The following NBEAL1 variants were observed in gnomAD, a reference collection of about 807,000 sequenced individuals.
NBEAL1 encodes neurobeachin-like protein 1.
A neutral mutation model predicts 351.3 loss-of-function variants in NBEAL1; 273 were observed. That is an observed-to-expected ratio of 0.78 (90% CI 0.70 to 0.86). The LOEUF (loss-of-function observed/expected upper bound fraction) is 0.86, where lower values mean the gene tolerates loss of function less well. NBEAL1 is among the 40% of genes least tolerant of loss of function. NBEAL1 has a pLI of 0.00. For synonymous variants in NBEAL1, 1,050 were observed against 1,086.4 expected (o/e 0.97, Z 0.66); for missense variants, 2,961 against 3,201.3 (o/e 0.92, Z 1.81).
At chr2:203,095,646 T>A (rs2062167723) in intron 10 of NBEAL1, among the ~76,000 whole-genome samples, 2 of 152,188 alleles carry the variant, frequency 1.3e-5, no homozygotes, top group Admixed American at 1.3e-4. Context: ...TCTGGAAAGA[T>A]TTTACTCATT....
chr2:203,196,976 T>G (rs1054719925), intron 47 of NBEAL1, among the ~76,000 whole-genome samples: 1 of 152,226 alleles, frequency 6.6e-6, no homozygotes, highest in African/African-American at 2.4e-5. Flanking sequence ...ATGATCCGTA[T>G]TTTCTACTTT....
rs2062948525 is a variant in NBEAL1 at position 203,126,828 on chromosome 2, C to A, written c.3150C>A (p.His1050Gln). 1 of 1,551,120 alleles carries A rather than the reference C, an allele frequency of 6.4e-7. No individual in the cohort carries two copies. The highest frequency in any genetic ancestry group is 8.7e-7 in the Non-Finnish European group (1 of 1,146,652). The change falls in exon 23 of 56, where the codon CAC becomes CAA. Residue 1050 changes from histidine (H) to glutamine (Q), a missense_variant. Transcript: ENST00000683969. ...CCATTGAACTTTTTATTTTAGGTCACATACAGTATCTTTCAACCATCATTA... is the reference window on the plus strand; with the variant it reads ...CCATTGAACTTTTTATTTTAGGTCAAATACAGTATCTTTCAACCATCATTA... ...NRGDFPFRIG[H>Q]IQYLSTIIKD...
rs2065986689 is a variant in NBEAL1 at position 203,224,396 on chromosome 2, G to C, written c.*7042G>C. Among the ~76,000 whole-genome samples the C allele has an allele frequency of 6.6e-6, 1 of 152,062 alleles. No homozygotes were observed. The highest frequency in any genetic ancestry group is 1.5e-5 in the Non-Finnish European group (1 of 67,950). On this transcript the variant is annotated 3_prime_UTR_variant, in exon 56 of 56. Coordinates refer to ENST00000683969, the MANE Select transcript of NBEAL1 (RefSeq NM_001378026.1). ...CTTGGAGCAAAAAATATAGCAAAAA[G>C]TAATCATATCTGGCTAGATAGCCAT...
chr2:203,065,480 C>T (rs569589367), intron 6 of NBEAL1, among the ~76,000 whole-genome samples: 26 of 152,230 alleles, frequency 1.7e-4, no homozygotes, highest in Non-Finnish European at 2.9e-4. Flanking sequence ...GGCTGGGGCG[C>T]GGTGGCTCAC....
Position 203,108,110 on chromosome 2 carries a change from G to A in NBEAL1, c.1871G>A (p.Ser624Asn), listed in dbSNP as rs572556241. 2 of 1,552,152 alleles carry A rather than the reference G, an allele frequency of 1.3e-6. No homozygotes were observed. Among genetic ancestry groups the A allele is most frequent in the African/African-American group, 2.7e-5 (2 of 73,214 alleles). ...QKWPGSAFSF[S>N]AWFCLDQDQL... ...TGGCCAGGGTCTGCCTTTTCTTTCA[G>A]TGCTTGGTTTTGCTTAGACCAGGAT... The change falls in exon 14 of 56, where the codon AGT becomes AAT. Residue 624 changes from serine to asparagine, a missense_variant. Coordinates refer to ENST00000683969, the MANE Select transcript of NBEAL1 (RefSeq NM_001378026.1).
In NBEAL1 at chr2:203,076,889, G is replaced by A. The variant is rs185916139; in HGVS notation, c.599-863G>A. Among the ~76,000 whole-genome samples, 4 of 151,972 alleles carry A rather than the reference G, an allele frequency of 2.6e-5. No homozygotes were observed. In the East Asian group the frequency reaches 7.8e-4, roughly 30 times the overall value. On this transcript the variant is annotated intron_variant, in intron 7 of 55. Coordinates refer to ENST00000683969, the MANE Select transcript of NBEAL1 (RefSeq NM_001378026.1). ...TTACAGGCATGAGCCACTGCGCCCA[G>A]CCTAGATGTCTCTTTACTAAGACTA...
intron 18 of NBEAL1, among the ~76,000 whole-genome samples, chr2:203,121,811 A>G (rs573789906): frequency 1.9e-3 from 285 of 151,970 alleles, no homozygotes; most frequent in African/African-American, 6.7e-3. Context: ...TTTGAGACAG[A>G]GTCTCACTCT....
intron 7 of NBEAL1, among the ~76,000 whole-genome samples, chr2:203,069,302 G>A (rs745732787): frequency 2.0e-5 from 3 of 152,174 alleles, no homozygotes; most frequent in Non-Finnish European, 2.9e-5. Flanking sequence ...GATGACTGCA[G>A]TGCTGACTCT....
intron 41 of NBEAL1, among the ~76,000 whole-genome samples, chr2:203,174,435 A>G (rs1025993150): frequency 6.6e-6 from 1 of 152,110 alleles, no homozygotes; most frequent in Non-Finnish European, 1.5e-5. Context: ...CTTTTATGTG[A>G]AAAATATTTG....
At chr2:203,188,915 G>C (rs1484831142) in intron 45 of NBEAL1, among the ~76,000 whole-genome samples, 1 of 152,144 alleles carries the variant, frequency 6.6e-6, no homozygotes, top group African/African-American at 2.4e-5. Flanking sequence ...ACAAATAACA[G>C]ATTCTTCAAA....
At chr2:203,141,978 T>C (rs955771519) in intron 31 of NBEAL1, among the ~76,000 whole-genome samples, 12 of 152,160 alleles carry the variant, frequency 7.9e-5, no homozygotes, top group Non-Finnish European at 1.5e-5. Context: ...GTTGATTCAT[T>C]TAGTTGTATA....
chr2:203,128,359 A>G lies in NBEAL1; in HGVS notation c.3405+422A>G, dbSNP rs372554475. ...CTAACCTCAAATGGTCTACCCGCCT[A>G]GGGCTCCCAAAGTGCTAGGATTACA... is the stretch of plus-strand genomic sequence containing the variant. On this transcript the variant is annotated intron_variant, in intron 24 of 55. Transcript: ENST00000683969. Among the ~76,000 whole-genome samples the G allele has an allele frequency of 5.5e-5, 8 of 145,938 alleles. No individual in the cohort carries two copies. In the East Asian group the frequency reaches 1.2e-3, roughly 22 times the overall value.
chr2:203,206,918 C>G (rs1381191294), intron 51 of NBEAL1, among the ~76,000 whole-genome samples: 2 of 151,412 alleles, frequency 1.3e-5, no homozygotes, highest in Non-Finnish European at 2.9e-5. Flanking sequence ...CCTGGCTGCC[C>G]AGTCTGGAAA....
At chr2:203,210,907 A>G in intron 53 of NBEAL1, 51 bp from the exon 54 acceptor site, 1 of 1,206,400 alleles carries the variant, frequency 8.3e-7, no homozygotes. Context: ...CTGGTTATAT[A>G]AAAACTCAGT....
intron 3 of NBEAL1, among the ~76,000 whole-genome samples, chr2:203,048,676 G>A (rs549274565): frequency 6.6e-6 from 1 of 152,276 alleles, no homozygotes; most frequent in Admixed American, 6.5e-5. Context: ...TTACAGAGGT[G>A]AGATTTAGTA....
At chr2:203,167,903 C>T (rs558885784) in intron 38 of NBEAL1, among the ~76,000 whole-genome samples, 1 of 152,286 alleles carries the variant, frequency 6.6e-6, no homozygotes, top group African/African-American at 2.4e-5. Context: ...GCTCTCCCCA[C>T]CTTGCATAGC....
intron 1 of NBEAL1, among the ~76,000 whole-genome samples, chr2:203,015,451 T>G (rs1361973408): frequency 7.0e-6 from 1 of 142,064 alleles, no homozygotes; most frequent in Non-Finnish European, 1.5e-5. Context: ...CAGCAAACAG[T>G]CCCAACTACT....
At chr2:203,119,424 C>CTTTTTTTTTTTTTTTTTTTTTTTCT (rs57126638) in intron 18 of NBEAL1, among the ~76,000 whole-genome samples, 1 of 66,656 alleles carries the variant, frequency 1.5e-5, no homozygotes, top group Non-Finnish European at 2.6e-5. Context: ...CGGCCTGTTG[C>CTTTTTTTTTTTTTTTTTTTTTTTCT]TTTTTTTTTT....
chr2:203,209,029 A>G (rs2065693656), intron 52 of NBEAL1, 132 bp from the exon 53 acceptor site: 3 of 713,208 alleles, frequency 4.2e-6, no homozygotes, highest in Non-Finnish European at 6.8e-6. Flanking sequence ...CCTAAGGTGC[A>G]TGTATCCTTG....
Sources: gnomAD v4.1 joint callset for allele counts (sites outside exome capture counted in the v4.1 genomes callset) on GRCh38, gnomAD v4.1.1 for gene constraint, MANE v1.5 for transcripts, NCBI Gene and HGNC (gene_info 2026-07-23, HGNC 2026-07-21) for gene names.